The following ASMT variants were observed in gnomAD, a reference collection of about 807,000 sequenced individuals.
The protein encoded by ASMT is acetylserotonin O-methyltransferase.
ASMT carries 53 observed loss-of-function variants against 41.3 expected under a neutral mutation model. The observed-to-expected ratio is 1.28, with a 90% CI of 1.03 to 1.61. ASMT has a LOEUF of 1.61. Among genes scored for constraint, ASMT ranks in the 40% most tolerant of loss-of-function variants. ASMT has a pLI of 0.00. For missense variants in ASMT, 531 were observed against 441.3 expected (o/e 1.20, Z -1.82); for synonymous variants, 231 against 184.8 (o/e 1.25, Z -2.03).
chrX:1,618,942 T>C (rs1934235819), intron 1 of ASMT, among the ~76,000 whole-genome samples: 1 of 152,176 alleles, frequency 6.6e-6, no homozygotes, highest in Non-Finnish European at 1.5e-5. Flanking sequence ...AGGCACATGA[T>C]ACCATGTCAT....
At position 1,632,709 on chromosome X, in the gene ASMT, T is replaced by G; in HGVS notation, c.568T>G (p.Trp190Gly). Residue 190 changes from tryptophan (W) to glycine (G), a missense_variant, in exon 6 of 9, where the codon TGG becomes GGG. Coordinates refer to ENST00000381241, the MANE Select transcript of ASMT (RefSeq NM_001171038.2). ...FPLMCDLGGT[W>G]IKLETIILSK... The stretch of plus-strand genomic sequence containing the variant: ...TGCGTTCATGTCCTTTGCAGGGACA[T>G]GGATAAAGCTGGAAACCATCATTCT... The G allele has an allele frequency of 4.1e-6, 1 of 244,438 alleles. No homozygotes were observed. The highest frequency in any genetic ancestry group is 8.1e-6 in the Non-Finnish European group (1 of 122,870). The allele number at this position is 244,438 out of a possible 1,614,324, so 15.1% of individuals were successfully genotyped here.
intron 7 of ASMT, among the ~76,000 whole-genome samples, chrX:1,634,872 G>A (rs1173344676): frequency 2.0e-5 from 3 of 151,822 alleles, no homozygotes; most frequent in South Asian, 4.2e-4. Context: ...TCACTATCTC[G>A]GCCAGGCTGG....
intron 1 of ASMT, among the ~76,000 whole-genome samples, chrX:1,622,867 G>A (rs1427179251): frequency 4.0e-5 from 6 of 151,732 alleles, no homozygotes; most frequent in South Asian, 4.2e-4. Flanking sequence ...AGCCGAGACC[G>A]CACCACTGCC....
At chrX:1,633,334 T>G in intron 7 of ASMT, 44 bp downstream of exon 7, 1 of 1,612,742 alleles carries the variant, frequency 6.2e-7, no homozygotes, top group East Asian at 2.2e-5. Context: ...TCTCACGGCT[T>G]CTCCAGGGGG....
intron 7 of ASMT, among the ~76,000 whole-genome samples, chrX:1,634,258 G>A (rs1934879652): frequency 6.6e-6 from 1 of 152,188 alleles, no homozygotes; most frequent in African/African-American, 2.4e-5. Context: ...GAGTTCGGGA[G>A]AAACCACATG....
intron 3 of ASMT, among the ~76,000 whole-genome samples, chrX:1,625,565 G>GGAGA (rs1934506980): frequency 7.3e-6 from 1 of 137,088 alleles, no homozygotes. Context: ...AGGGAGGGAG[G>GGAGA]GAGGGAAAGA....
chrX:1,642,755 CTG>C (rs762907582), intron 8 of ASMT, 46 bp from the exon 9 acceptor site: 1 of 1,569,482 alleles, frequency 6.4e-7, no homozygotes, highest in Non-Finnish European at 8.8e-7. Context: ...TTGGCACAGT[CTG>C]TCTGTGTGTT....
chrX:1,635,776 C>T (rs1289564098), intron 7 of ASMT, among the ~76,000 whole-genome samples: 7 of 151,528 alleles, frequency 4.6e-5, no homozygotes, highest in African/African-American at 7.3e-5. Flanking sequence ...GCAGGAGAAT[C>T]GCTTGAAACC....
chrX:1,619,211 T>A (rs1934246337), intron 1 of ASMT, among the ~76,000 whole-genome samples: 1 of 151,822 alleles, frequency 6.6e-6, no homozygotes, highest in South Asian at 2.1e-4. Context: ...CTGGCCAATA[T>A]GGTGAAATCC....
chrX:1,629,147 G>A (rs182004255), intron 4 of ASMT, among the ~76,000 whole-genome samples: 3 of 151,718 alleles, frequency 2.0e-5, no homozygotes, highest in South Asian at 2.1e-4. Context: ...TGTTTAGGGG[G>A]CACAAGTACC....
At chrX:1,617,066 A>G (rs1178300457) in intron 1 of ASMT, among the ~76,000 whole-genome samples, 4 of 151,888 alleles carry the variant, frequency 2.6e-5, no homozygotes, top group African/African-American at 9.7e-5. Context: ...CCAGCTACTC[A>G]GGAGGCTGAG....
rs188445220 is a variant in ASMT at position 1,636,248 on chromosome X, C to T, written c.788-190C>T. 3.7e-3 allele frequency: 3,088 copies of T among 844,966 alleles called. 19 individuals are homozygous for T. Among genetic ancestry groups the T allele is most frequent in the Middle Eastern group, 8.7e-3 (27 of 3,118 alleles). The allele number at this position is 844,966 out of a possible 1,614,324, so 52.3% of individuals were successfully genotyped here. ...CTAGGATTACAGGCGTGAGCCACCG[C>T]GCCCGACCTCAGTATTTTCTTATCT... On this transcript the variant is annotated intron_variant, in intron 7 of 8. Transcript: ENST00000381241.
At chrX:1,623,365 G>A in intron 2 of ASMT, 52 bp downstream of exon 2, 1 of 1,602,516 alleles carries the variant, frequency 6.2e-7, no homozygotes, top group Non-Finnish European at 8.5e-7. Context: ...ACCCTCTGCA[G>A]CCCACGTGTT....
intron 1 of ASMT, among the ~76,000 whole-genome samples, chrX:1,622,236 C>T (rs1276393947): frequency 1.3e-5 from 2 of 151,512 alleles, no homozygotes; most frequent in Non-Finnish European, 2.9e-5. Flanking sequence ...AAGTGATCTA[C>T]CCTCCTAGGC....
intron 3 of ASMT, 24 bp from the exon 4 acceptor site, chrX:1,627,679 T>C (rs1428617540): frequency 6.7e-7 from 1 of 1,503,010 alleles, no homozygotes; most frequent in African/African-American, 1.4e-5. Context: ...GAAATGAAAA[T>C]CAGCCTTCTC....
chrX:1,641,449 G>C (rs1419711031), intron 8 of ASMT, among the ~76,000 whole-genome samples: 1 of 148,224 alleles, frequency 6.7e-6, no homozygotes, highest in Non-Finnish European at 1.5e-5. Flanking sequence ...GTGTGTGATG[G>C]GGACAGTGTC....
intron 1 of ASMT, among the ~76,000 whole-genome samples, chrX:1,617,668 C>T (rs1320485806): frequency 1.7e-4 from 25 of 150,510 alleles, no homozygotes; most frequent in African/African-American, 3.7e-4. Flanking sequence ...CAGGCTGGAG[C>T]GCAGTGGCGC....
chrX:1,621,571 G>A (rs1934339178), intron 1 of ASMT, among the ~76,000 whole-genome samples: 1 of 152,124 alleles, frequency 6.6e-6, no homozygotes, highest in Admixed American at 6.6e-5. Context: ...GCCCACCTCG[G>A]CCTCCCAGAA....
At chrX:1,630,985 A>C (rs1452702772) in intron 5 of ASMT, among the ~76,000 whole-genome samples, 1 of 142,274 alleles carries the variant, frequency 7.0e-6, no homozygotes, top group African/African-American at 2.7e-5. Context: ...ATCTCCACTC[A>C]CTGCAAGCTC....
Sources: gnomAD v4.1 joint callset for allele counts (sites outside exome capture counted in the v4.1 genomes callset) on GRCh38, gnomAD v4.1.1 for gene constraint, MANE v1.5 for transcripts, NCBI Gene and HGNC (gene_info 2026-07-23, HGNC 2026-07-21) for gene names.